Variants in BMPR1B observed in about 807,000 individuals in gnomAD.
BMPR1B encodes the protein bone morphogenetic protein receptor type 1B.
BMPR1B carries 12 observed loss-of-function variants against 59.1 expected under a neutral mutation model. That is an observed-to-expected ratio of 0.20 (90% confidence interval 0.13 to 0.33). BMPR1B has a LOEUF of 0.33. Among genes scored for constraint, BMPR1B ranks in the 10% least tolerant of loss-of-function variants. The pLI is 1.00. For missense variants in BMPR1B, 550 were observed against 610.9 expected (o/e 0.90, Z 1.05); for synonymous variants, 237 against 207.3 (o/e 1.14, Z -1.23).
intron 1 of BMPR1B, among the ~76,000 whole-genome samples, chr4:94,857,096 T>C (rs1478443539): frequency 2.0e-5 from 3 of 151,204 alleles, no homozygotes; most frequent in African/African-American, 7.3e-5. Context: ...AAGAGAAGGA[T>C]CAAGAAATGA....
At chr4:95,046,925 T>G (rs1432407319) in intron 3 of BMPR1B, among the ~76,000 whole-genome samples, 2 of 152,236 alleles carry the variant, frequency 1.3e-5, no homozygotes, top group Non-Finnish European at 2.9e-5. Context: ...AGCAGTTAAG[T>G]GAACCTGTGA....
At chr4:94,796,365 T>C (rs1448431783) in intron 1 of BMPR1B, among the ~76,000 whole-genome samples, 1 of 152,214 alleles carries the variant, frequency 6.6e-6, no homozygotes, top group East Asian at 1.9e-4. Flanking sequence ...TAGCTCCATC[T>C]ATCAAATGGT....
chr4:94,899,105 T>C (rs554079258), intron 2 of BMPR1B, among the ~76,000 whole-genome samples: 10 of 152,104 alleles, frequency 6.6e-5, no homozygotes, highest in African/African-American at 2.4e-4. Context: ...TTCCTTGGCT[T>C]GTGGTTTGCA....
chr4:94,835,422 G>A (rs1003910), intron 1 of BMPR1B, among the ~76,000 whole-genome samples: 43,067 of 151,910 alleles, frequency 0.28, 6,758 homozygotes, highest in African/African-American at 0.42. Context: ...CTACAAAGTA[G>A]TTCTCTATAT....
chr4:95,096,971 A>G (rs1364680653), intron 3 of BMPR1B, among the ~76,000 whole-genome samples: 2 of 143,858 alleles, frequency 1.4e-5, no homozygotes, highest in Non-Finnish European at 3.0e-5. Context: ...TTTATTATAT[A>G]TAGTTATATA....
intron 2 of BMPR1B, among the ~76,000 whole-genome samples, chr4:94,978,252 A>T (rs1191242939): frequency 6.6e-6 from 1 of 152,268 alleles, no homozygotes; most frequent in Non-Finnish European, 1.5e-5. Flanking sequence ...TTAAAACAAC[A>T]AAACAATTTT....
intron 2 of BMPR1B, among the ~76,000 whole-genome samples, chr4:94,921,625 G>A (rs1330880568): frequency 6.6e-6 from 1 of 151,994 alleles, no homozygotes; most frequent in Non-Finnish European, 1.5e-5. Flanking sequence ...CAAGAAGATG[G>A]TGCTAAACCA....
chr4:95,125,059 T>C lies in BMPR1B; in HGVS notation c.523T>C (p.Ser175Pro), dbSNP rs143554488. 8.1e-5 allele frequency: 131 copies of C among 1,613,790 alleles called. No individual in the cohort carries two copies. The African/African-American group carries it at 1.6e-3, about 20-fold the overall frequency. ...TGAAACTTACATTCCTCCTGGAGAA[T>C]CCCTGAGAGACTTAATTGAGCAGTC... is the stretch of plus-strand genomic sequence containing the variant. The part of the protein sequence containing the change: ...QDETYIPPGE[S>P]LRDLIEQSQS... The change falls in exon 8 of 13, where the codon TCC becomes CCC. Residue 175 changes from serine to proline, a missense_variant. Around this residue, in one of 6 missense-constraint regions of BMPR1B, gnomAD observed 318 missense variants for 284.6 expected, o/e 1.12. Coordinates refer to ENST00000515059, the MANE Select transcript of BMPR1B (RefSeq NM_001203.3).
chr4:94,801,199 C>T (rs916739066), intron 1 of BMPR1B, among the ~76,000 whole-genome samples: 1 of 152,162 alleles, frequency 6.6e-6, no homozygotes. Flanking sequence ...TGGAATTCTC[C>T]CCGACTCCCA....
chr4:94,902,046 G>GGTGTGT (rs34068392), intron 2 of BMPR1B, among the ~76,000 whole-genome samples: 3,749 of 119,136 alleles, frequency 0.031, 79 homozygotes, highest in South Asian at 0.04. Context: ...CAGACTGCAT[G>GGTGTGT]GTGTGTGTGT....
chr4:94,825,374 A>G (rs775245974), intron 1 of BMPR1B, among the ~76,000 whole-genome samples: 4 of 151,896 alleles, frequency 2.6e-5, no homozygotes, highest in Non-Finnish European at 5.9e-5. Context: ...GCAGTGTGGC[A>G]TATACCTGTA....
Position 95,011,971 on chromosome 4 carries a change from A to T in BMPR1B, c.-18+15837A>T, listed in dbSNP as rs1250105223. Among the ~76,000 whole-genome samples the T allele has an allele frequency of 3.9e-5, 6 of 152,110 alleles. No homozygotes were observed. In the Middle Eastern group the frequency reaches 0.014, roughly 347 times the overall value. Reference sequence around the variant, plus strand: ...GAGGCTGAGGTTGCAGTGAGCCAAGATCCCACCACTGCACTCCAGCCTGGG... The same window carrying T: ...GAGGCTGAGGTTGCAGTGAGCCAAGTTCCCACCACTGCACTCCAGCCTGGG... On this transcript the variant is annotated intron_variant, in intron 3 of 12. Coordinates refer to ENST00000515059, the MANE Select transcript of BMPR1B (RefSeq NM_001203.3).
intron 1 of BMPR1B, among the ~76,000 whole-genome samples, chr4:94,867,495 C>T (rs1241452697): frequency 6.6e-6 from 1 of 152,164 alleles, no homozygotes; most frequent in Non-Finnish European, 1.5e-5. Flanking sequence ...AGTTCTTCTA[C>T]TCCTCTTTAT....
intron 1 of BMPR1B, among the ~76,000 whole-genome samples, chr4:94,867,372 T>G (rs1346515289): frequency 2.0e-5 from 3 of 152,234 alleles, no homozygotes; most frequent in Non-Finnish European, 4.4e-5. Context: ...TTCTTTCAGT[T>G]TATTACCGAT....
At chr4:94,814,739 C>T (rs1723944426) in intron 1 of BMPR1B, among the ~76,000 whole-genome samples, 1 of 152,094 alleles carries the variant, frequency 6.6e-6, no homozygotes, top group Admixed American at 6.6e-5. Flanking sequence ...TCAAAACATA[C>T]TGGGTACTTC....
At chr4:95,096,789 A>G (rs1730426326) in intron 3 of BMPR1B, among the ~76,000 whole-genome samples, 1 of 137,936 alleles carries the variant, frequency 7.2e-6, no homozygotes, top group African/African-American at 2.7e-5. Context: ...ATATAACTAT[A>G]TATCTATATA....
chr4:95,054,463 A>G (rs1257694248), intron 3 of BMPR1B, among the ~76,000 whole-genome samples: 1 of 152,178 alleles, frequency 6.6e-6, no homozygotes, highest in Admixed American at 6.5e-5. Flanking sequence ...TGCTTCAGAA[A>G]CATATTTTTA....
At chr4:95,129,317 C>A (rs1156634327) in intron 8 of BMPR1B, among the ~76,000 whole-genome samples, 3 of 152,098 alleles carry the variant, frequency 2.0e-5, no homozygotes, top group African/African-American at 7.2e-5. Flanking sequence ...TGGTATTGTT[C>A]TTTGCCCAGA....
intron 1 of BMPR1B, among the ~76,000 whole-genome samples, chr4:94,771,476 T>C (rs1722183940): frequency 6.6e-6 from 1 of 152,102 alleles, no homozygotes; most frequent in African/African-American, 2.4e-5. Flanking sequence ...GATAATTGCA[T>C]GTGGAAGGTG....
Sources: allele counts gnomAD v4.1 joint callset (sites outside exome capture counted in the v4.1 genomes callset), GRCh38; gene constraint gnomAD v4.1.1; regional missense constraint gnomAD v4.1.1; transcripts MANE v1.5; gene names NCBI Gene and HGNC (gene_info 2026-07-23, HGNC 2026-07-21).